Variants in TM9SF2 observed in about 807,000 individuals in gnomAD.
TM9SF2 encodes 76 kDa membrane protein.
A neutral mutation model predicts 84.9 loss-of-function variants in TM9SF2; 13 were observed. The observed-to-expected ratio is 0.15, with a 90% CI of 0.10 to 0.24. The LOEUF is 0.24. Among genes scored for constraint, TM9SF2 ranks in the 10% least tolerant of loss-of-function variants. TM9SF2 has a pLI of 1.00. For missense variants in TM9SF2, 562 were observed against 818.5 expected, an observed-to-expected ratio of 0.69 and a Z score of 3.82; for synonymous variants, 273 against 285.8, an observed-to-expected ratio of 0.96 and a Z score of 0.45.
chr13:99,528,443 A>G (rs1280204292), intron 3 of TM9SF2, among the ~76,000 whole-genome samples: 1 of 152,252 alleles, frequency 6.6e-6, no homozygotes, highest in East Asian at 1.9e-4. Flanking sequence ...TACTACATTA[A>G]TGTCACCTTA....
intron 3 of TM9SF2, 110 bp from the exon 4 acceptor site, chr13:99,529,357 A>T: frequency 1.1e-6 from 1 of 918,606 alleles, no homozygotes; most frequent in Non-Finnish European, 1.5e-6. Flanking sequence ...TACCAATATT[A>T]ATGCACTTAA....
At chr13:99,511,837 C>T (rs1488239579) in intron 1 of TM9SF2, among the ~76,000 whole-genome samples, 1 of 151,322 alleles carries the variant, frequency 6.6e-6, no homozygotes, top group African/African-American at 2.5e-5. Flanking sequence ...GGAATAAAAG[C>T]ATCAGAAATA....
intron 8 of TM9SF2, among the ~76,000 whole-genome samples, chr13:99,541,110 A>G (rs942653099): frequency 6.6e-6 from 1 of 152,240 alleles, no homozygotes; most frequent in African/African-American, 2.4e-5. Flanking sequence ...TGACTTTATT[A>G]TTATCCCCTT....
chr13:99,546,937 A>G (rs1272930970), intron 10 of TM9SF2, 48 bp from the exon 11 acceptor site: 2 of 1,605,972 alleles, frequency 1.2e-6, no homozygotes, highest in South Asian at 1.1e-5. Context: ...TTCACAGCAA[A>G]GGAAACAGAG....
chr13:99,508,105 A>C (rs998783382), intron 1 of TM9SF2, among the ~76,000 whole-genome samples: 1 of 152,246 alleles, frequency 6.6e-6, no homozygotes, highest in Non-Finnish European at 1.5e-5. Flanking sequence ...AACCACTTCT[A>C]TAAAACATTT....
chr13:99,501,524 C>A lies in TM9SF2; in HGVS notation c.-83C>A. 1 of 1,522,104 alleles carries A rather than the reference C, an allele frequency of 6.6e-7. No individual in the cohort carries two copies. The highest frequency in any genetic ancestry group is 8.9e-7 in the Non-Finnish European group (1 of 1,129,518). The allele number at this position is 1,522,104 out of a possible 1,614,324, so 94.3% of individuals were successfully genotyped here. On this transcript the variant is annotated 5_prime_UTR_variant, in exon 1 of 17. Coordinates refer to ENST00000376387, the MANE Select transcript of TM9SF2 (RefSeq NM_004800.3). ...GCCGGCTTCCTTTATCTCTGGCGGC[C>A]TTGTAGTCGTCTCCGAGACTCCCCA...
chr13:99,552,326 T>G lies in TM9SF2; in HGVS notation c.1488T>G (p.Asn496Lys), dbSNP rs1412108744. ...GTGCATACTTTGGTTTTAAGAAGAATGTAAGTTTATAGGTGTTAACTTATT... is the reference window on the plus strand; with the variant it reads ...GTGCATACTTTGGTTTTAAGAAGAAGGTAAGTTTATAGGTGTTAACTTATT... Reference protein sequence around the residue: ...FIGAYFGFKKNAIEHPVRTNQ... With the variant: ...FIGAYFGFKKKAIEHPVRTNQ... The change falls in exon 13 of 17, where the codon AAT (asparagine) becomes AAG (lysine). Residue 496 changes from asparagine to lysine, a missense_variant and splice_region_variant. Asn to Lys is a moderately conservative substitution (Grantham distance 94, BLOSUM62 0). Coordinates refer to ENST00000376387, the MANE Select transcript of TM9SF2 (RefSeq NM_004800.3). The G allele has an allele frequency of 3.1e-6, 5 of 1,612,932 alleles. No homozygotes were observed. The highest frequency in any genetic ancestry group is 4.2e-6 in the Non-Finnish European group (5 of 1,179,640).
chr13:99,545,630 G>C (rs2046279257), intron 10 of TM9SF2, among the ~76,000 whole-genome samples: 1 of 151,830 alleles, frequency 6.6e-6, no homozygotes, highest in South Asian at 2.1e-4. Context: ...TCAGTGGCGT[G>C]ATCTTGGCTT....
chr13:99,562,618 G>A (rs894054165), intron 16 of TM9SF2, 73 bp from the exon 17 acceptor site: 12 of 1,451,682 alleles, frequency 8.3e-6, no homozygotes, highest in Non-Finnish European at 1.1e-5. Flanking sequence ...ACCAGTCATT[G>A]TAAGTCTGTA....
rs748136369 is a variant in TM9SF2 at position 99,562,804 on chromosome 13, C to G, written c.*46C>G. On this transcript the variant is annotated 3_prime_UTR_variant, in exon 17 of 17. Transcript: ENST00000376387. ...TAAAACAGAAATAAATTAAACTCTTCATCAACAAAGACCTGTTTTTGTGAC... is the reference window on the plus strand; with the variant it reads ...TAAAACAGAAATAAATTAAACTCTTGATCAACAAAGACCTGTTTTTGTGAC... The G allele has an allele frequency of 6.3e-7, 1 of 1,581,322 alleles. No homozygotes were observed. The highest frequency in any genetic ancestry group is 8.6e-7 in the Non-Finnish European group (1 of 1,158,314).
chr13:99,543,816 C>G, intron 9 of TM9SF2, 47 bp from the exon 10 acceptor site: 1 of 1,601,156 alleles, frequency 6.2e-7, no homozygotes, highest in Non-Finnish European at 8.5e-7. Context: ...CTATAGTTGT[C>G]TTGTTGATAC....
chr13:99,534,729 G>T (rs1025890087), intron 4 of TM9SF2, among the ~76,000 whole-genome samples: 1 of 152,224 alleles, frequency 6.6e-6, no homozygotes, highest in African/African-American at 2.4e-5. Context: ...GAGTCATTCA[G>T]CCTTTATCCT....
At chr13:99,510,798 T>C (rs1027327187) in intron 1 of TM9SF2, among the ~76,000 whole-genome samples, 2 of 152,236 alleles carry the variant, frequency 1.3e-5, no homozygotes, top group African/African-American at 2.4e-5. Flanking sequence ...ACACATGCGT[T>C]GTGTTTCCAT....
Position 99,562,910 on chromosome 13 carries a change from C to G in TM9SF2, c.*152C>G, listed in dbSNP as rs989481011. On this transcript the variant is annotated 3_prime_UTR_variant, in exon 17 of 17. Coordinates refer to ENST00000376387, the MANE Select transcript of TM9SF2 (RefSeq NM_004800.3). ...TCTAAATAAACCTCTTCCCATACAC[C>G]TTTCCCCCATAAGATGTGTCTTCAA... 3 of 627,422 alleles carry G rather than the reference C, an allele frequency of 4.8e-6. No individual in the cohort carries two copies. Among genetic ancestry groups the G allele is most frequent in the Non-Finnish European group, 8.1e-6 (3 of 370,726 alleles). The allele number at this position is 627,422 out of a possible 1,614,324, so 38.9% of individuals were successfully genotyped here.
chr13:99,526,923 C>G (rs1478739352), intron 3 of TM9SF2, among the ~76,000 whole-genome samples: 3 of 152,044 alleles, frequency 2.0e-5, no homozygotes, highest in Non-Finnish European at 4.4e-5. Flanking sequence ...GGAGAATGGT[C>G]TGGCCCAGCG....
Position 99,563,056 on chromosome 13 carries a change from T to C in TM9SF2, c.*298T>C, listed in dbSNP as rs1374752059. The C allele has an allele frequency of 8.5e-6, 2 of 234,474 alleles. No homozygotes were observed. The highest frequency in any genetic ancestry group is 1.6e-5 in the Non-Finnish European group (2 of 121,732). 14.5% of individuals were successfully genotyped at this position (234,474 alleles called of 1,614,324 possible). A position where few individuals can be genotyped will look rare whatever the true frequency, so the allele number is the denominator to read the frequency against. On this transcript the variant is annotated 3_prime_UTR_variant, in exon 17 of 17. Coordinates refer to ENST00000376387, the MANE Select transcript of TM9SF2 (RefSeq NM_004800.3). ...GTAGCTATAAAATTTTCCATACTTC[T>C]AATGGCAGAATAGAGGAGGCCATAT...
Position 99,559,524 on chromosome 13 carries a change from T to G in TM9SF2, c.1914T>G (p.Phe638Leu). Residue 638 changes from phenylalanine (F) to leucine (L), a missense_variant, in exon 16 of 17, where the codon TTT becomes TTG. Phe to Leu is a conservative substitution (Grantham distance 22, BLOSUM62 0). Transcript: ENST00000376387. ...GYTMIMVLIFFLFTGTIGFFA... is the reference protein window; with the variant it reads ...GYTMIMVLIFLLFTGTIGFFA... ...CCATGATAATGGTTTTGATCTTCTT[T>G]CTTTTTACAGGTAAAATTATAATTT... 6.3e-7 allele frequency: 1 copy of G among 1,592,680 alleles called. No individual in the cohort carries two copies.
rs536628582 is a variant in TM9SF2 at position 99,544,133 on chromosome 13, C to G, written c.1150+138C>G. On this transcript the variant is annotated intron_variant, in intron 10 of 16. Coordinates refer to ENST00000376387, the MANE Select transcript of TM9SF2 (RefSeq NM_004800.3). ...TTGGGAGGCCAAGGCGGGTGGATGA[C>G]AAGGTCAGGAGTTTGAGACCAGACT... 3.2e-5 allele frequency: 29 copies of G among 897,446 alleles called. No individual in the cohort carries two copies. The African/African-American group carries it at 4.7e-4, about 15-fold the overall frequency. 55.6% of individuals were successfully genotyped at this position (897,446 alleles called of 1,614,324 possible). A position where few individuals can be genotyped will look rare whatever the true frequency, so the allele number is the denominator to read the frequency against.
At chr13:99,536,046 C>T (rs1317520651) in intron 4 of TM9SF2, among the ~76,000 whole-genome samples, 1 of 152,038 alleles carries the variant, frequency 6.6e-6, no homozygotes, top group African/African-American at 2.4e-5. Flanking sequence ...CTATATCTTG[C>T]AATTGTATTC....
Sources: gnomAD v4.1 joint callset for allele counts (sites outside exome capture counted in the v4.1 genomes callset) on GRCh38, gnomAD v4.1.1 for gene constraint, MANE v1.5 for transcripts, NCBI Gene and HGNC (gene_info 2026-07-23, HGNC 2026-07-21) for gene names.